The following CNTN4 variants were observed in gnomAD, a reference collection of about 807,000 sequenced individuals.
CNTN4 encodes the protein contactin 4.
A neutral mutation model predicts 122.5 loss-of-function variants in CNTN4; 77 were observed. The ratio of observed to expected loss-of-function variants is 0.63; its 90% CI spans 0.52 to 0.76. The LOEUF (loss-of-function observed/expected upper bound fraction) is 0.76. CNTN4 is among the 30% of genes least tolerant of loss of function. The probability of loss-of-function intolerance (pLI) is 0.00; values close to 1 mark genes in which losing one functional copy is unlikely to be tolerated. For missense variants in CNTN4, 1,256 were observed against 1,259.1 expected, an observed-to-expected ratio of 1.00 and a Z score of 0.04; for synonymous variants, 512 against 447.0, an observed-to-expected ratio of 1.15 and a Z score of -1.83.
intron 2 of CNTN4, among the ~76,000 whole-genome samples, chr3:2,173,702 A>T (rs754821300): frequency 1.0e-4 from 13 of 129,278 alleles, no homozygotes; most frequent in Non-Finnish European, 1.9e-4. Flanking sequence ...ATTTGGTTCG[A>T]CTTGAACACT....
At chr3:2,939,776 C>G (rs1192311287) in intron 13 of CNTN4, among the ~76,000 whole-genome samples, 6 of 152,162 alleles carry the variant, frequency 3.9e-5, no homozygotes, top group Non-Finnish European at 8.8e-5. Context: ...GTGAAGAGTT[C>G]AGTGTTGGTT....
intron 3 of CNTN4, among the ~76,000 whole-genome samples, chr3:2,411,161 G>A (rs950218981): frequency 6.6e-6 from 1 of 152,124 alleles, no homozygotes; most frequent in African/African-American, 2.4e-5. Context: ...ACACACACTA[G>A]GGCCTATCGG....
At chr3:2,367,046 A>T (rs1418927415) in intron 3 of CNTN4, among the ~76,000 whole-genome samples, 4 of 151,046 alleles carry the variant, frequency 2.6e-5, no homozygotes, top group African/African-American at 9.7e-5. Flanking sequence ...CCTATATTGA[A>T]CCTTCATTTT....
chr3:2,457,874 C>T (rs2049058073), intron 3 of CNTN4, among the ~76,000 whole-genome samples: 1 of 152,124 alleles, frequency 6.6e-6, no homozygotes, highest in Non-Finnish European at 1.5e-5. Context: ...TGAGAAAGCA[C>T]AGATAACTCT....
At chr3:2,357,901 A>C (rs747948854) in intron 3 of CNTN4, among the ~76,000 whole-genome samples, 1 of 152,234 alleles carries the variant, frequency 6.6e-6, no homozygotes, top group Non-Finnish European at 1.5e-5. Flanking sequence ...TTCCAAAATA[A>C]TACTCTACAG....
At chr3:2,575,912 A>G (rs1192918961) in intron 4 of CNTN4, among the ~76,000 whole-genome samples, 8 of 145,184 alleles carry the variant, frequency 5.5e-5, no homozygotes, top group African/African-American at 1.3e-4. Flanking sequence ...AGCTCCACCT[A>G]TCGGGTCCAC....
intron 4 of CNTN4, among the ~76,000 whole-genome samples, chr3:2,602,246 A>T (rs2081076780): frequency 6.6e-6 from 1 of 152,204 alleles, no homozygotes; most frequent in Admixed American, 6.5e-5. Flanking sequence ...TGGCCAGGGC[A>T]ATCAGGCAGG....
intron 3 of CNTN4, among the ~76,000 whole-genome samples, chr3:2,484,738 G>A (rs1047705271): frequency 1.3e-5 from 2 of 152,230 alleles, no homozygotes; most frequent in African/African-American, 4.8e-5. Flanking sequence ...CTATTGAGAG[G>A]TGACAGCGTG....
rs374188977 is a variant in CNTN4 at position 2,917,102 on chromosome 3, C to G, written c.1208-8527C>G. Among the ~76,000 whole-genome samples the G allele has an allele frequency of 2.3e-4, 31 of 134,924 alleles. 1 individual carries two copies. The highest frequency in any genetic ancestry group is 1.5e-3 in the Admixed American group (20 of 13,240). 88.5% of individuals were successfully genotyped at this position (134,924 alleles called of 152,430 possible). A position where few individuals can be genotyped will look rare whatever the true frequency, so the allele number is the denominator to read the frequency against. ...ATCACTCGCGGTTAGGAGCTGGAGA[C>G]CAGCCCGGCCAACACGGCGAAACCC... On this transcript the variant is annotated intron_variant, in intron 12 of 24. Transcript: ENST00000418658.
intron 3 of CNTN4, among the ~76,000 whole-genome samples, chr3:2,507,258 G>A (rs192442705): frequency 6.6e-6 from 1 of 152,016 alleles, no homozygotes; most frequent in Non-Finnish European, 1.5e-5. Context: ...TCGTTGCTGT[G>A]GGGGGCTGTC....
At chr3:3,014,087 C>G (rs1232287889) in intron 14 of CNTN4, among the ~76,000 whole-genome samples, 1 of 145,388 alleles carries the variant, frequency 6.9e-6, no homozygotes, top group Non-Finnish European at 1.5e-5. Flanking sequence ...CACACACACA[C>G]CCCTAGGGGT....
At chr3:3,027,803 C>T (rs1023867787) in intron 15 of CNTN4, among the ~76,000 whole-genome samples, 7 of 152,158 alleles carry the variant, frequency 4.6e-5, no homozygotes, top group African/African-American at 1.4e-4. Flanking sequence ...AGCCTTTATG[C>T]CAGAATGGTG....
intron 2 of CNTN4, among the ~76,000 whole-genome samples, chr3:2,235,718 CA>C (rs1559366520): frequency 6.6e-6 from 1 of 152,022 alleles, no homozygotes; most frequent in Non-Finnish European, 1.5e-5. Flanking sequence ...TTAGAAGTAA[CA>C]AGAGCATCTA....
At chr3:2,588,591 G>A (rs560549880) in intron 4 of CNTN4, among the ~76,000 whole-genome samples, 2 of 151,900 alleles carry the variant, frequency 1.3e-5, no homozygotes, top group East Asian at 3.9e-4. Flanking sequence ...GGTCTTGAAT[G>A]CTTGACCTCG....
intron 23 of CNTN4, among the ~76,000 whole-genome samples, chr3:3,052,669 G>T (rs1181717704): frequency 6.6e-6 from 1 of 152,186 alleles, no homozygotes; most frequent in Non-Finnish European, 1.5e-5. Context: ...TAGGAGGCTA[G>T]TTGGCCACCT....
intron 8 of CNTN4, among the ~76,000 whole-genome samples, chr3:2,878,966 A>G (rs1379535841): frequency 6.6e-6 from 1 of 152,182 alleles, no homozygotes; most frequent in Non-Finnish European, 1.5e-5. Context: ...CATTATTGGT[A>G]ATAGCTAAAA....
At chr3:2,668,575 A>G (rs1336128593) in intron 4 of CNTN4, among the ~76,000 whole-genome samples, 2 of 152,148 alleles carry the variant, frequency 1.3e-5, no homozygotes, top group Admixed American at 6.5e-5. Context: ...CTAATTGAAT[A>G]CCCTTTATTT....
intron 6 of CNTN4, among the ~76,000 whole-genome samples, chr3:2,759,643 G>A (rs572512270): frequency 6.6e-6 from 1 of 151,354 alleles, no homozygotes; most frequent in South Asian, 2.1e-4. Flanking sequence ...ATATTCCTAG[G>A]AGTGGAGTAG....
chr3:2,618,440 A>G (rs1433583805), intron 4 of CNTN4, among the ~76,000 whole-genome samples: 1 of 152,196 alleles, frequency 6.6e-6, no homozygotes, highest in Non-Finnish European at 1.5e-5. Context: ...TATGTGGGAT[A>G]TCCAATATAA....
Sources: allele counts gnomAD v4.1 joint callset (sites outside exome capture counted in the v4.1 genomes callset), GRCh38; gene constraint gnomAD v4.1.1; transcripts MANE v1.5; gene names NCBI Gene and HGNC (gene_info 2026-07-23, HGNC 2026-07-21).